Variants in PLXNC1 observed in about 807,000 individuals in gnomAD.
PLXNC1 encodes the protein plexin-C1.
A neutral mutation model predicts 178.2 loss-of-function variants in PLXNC1; 75 were observed. The ratio of observed to expected loss-of-function variants is 0.42; its 90% confidence interval spans 0.35 to 0.51. PLXNC1 has a LOEUF of 0.51. Ranked by LOEUF, PLXNC1 falls within the 20% of genes least tolerant of loss-of-function variation. The pLI, the probability that PLXNC1 is intolerant of heterozygous loss-of-function variation, is 0.02. For synonymous variants in PLXNC1, 790 were observed against 779.9 expected, an observed-to-expected ratio of 1.01 and a Z score of -0.22; for missense variants, 1,503 against 1,984.4, an observed-to-expected ratio of 0.76 and a Z score of 4.61.
intron 1 of PLXNC1, among the ~76,000 whole-genome samples, chr12:94,156,786 C>T (rs950219630): frequency 1.3e-5 from 2 of 148,440 alleles, no homozygotes; most frequent in Non-Finnish European, 3.0e-5. Flanking sequence ...TAGCTTATTG[C>T]GGCCTCAAAC....
At chr12:94,284,601 T>C (rs1466330953) in intron 23 of PLXNC1, among the ~76,000 whole-genome samples, 6 of 151,964 alleles carry the variant, frequency 3.9e-5, no homozygotes, top group Non-Finnish European at 7.4e-5. Flanking sequence ...TCCTACGAGA[T>C]AGGTACTATT....
chr12:94,206,339 T>C (rs886415858), intron 4 of PLXNC1, among the ~76,000 whole-genome samples: 6 of 152,214 alleles, frequency 3.9e-5, no homozygotes, highest in East Asian at 1.9e-4. Flanking sequence ...CAAACTCTAG[T>C]ATTATCTCGA....
At position 94,149,985 on chromosome 12, in the gene PLXNC1, G is replaced by A. The variant is rs1350320295; in HGVS notation, c.1014G>A (p.Ala338=). 4 of 1,595,634 alleles carry A rather than the reference G, an allele frequency of 2.5e-6. No homozygotes were observed. The South Asian group carries it at 4.5e-5, about 18-fold the overall frequency. The change falls in exon 1 of 31, where the codon GCG becomes GCA. Residue 338 remains alanine, a synonymous_variant. Transcript: ENST00000258526. ...TCTTCAGAATGAGTGAGATCCAGGC[G>A]CGCGCCAAGAGGGTCAGCTGGGACT... ...LCLFRMSEIQ[A]RAKRVSWDFK...
chr12:94,152,515 T>G (rs1960997669), intron 1 of PLXNC1, among the ~76,000 whole-genome samples: 1 of 152,248 alleles, frequency 6.6e-6, no homozygotes, highest in Non-Finnish European at 1.5e-5. Flanking sequence ...TGATTGCATT[T>G]GTTCTGCATT....
intron 21 of PLXNC1, 87 bp downstream of exon 21, chr12:94,265,312 G>A (rs945445049): frequency 2.5e-5 from 31 of 1,240,056 alleles, no homozygotes; most frequent in East Asian, 2.3e-4. Flanking sequence ...ACAATGAAAC[G>A]GTATCATCTC....
At chr12:94,191,824 A>G (rs1413636763) in intron 4 of PLXNC1, among the ~76,000 whole-genome samples, 1 of 151,892 alleles carries the variant, frequency 6.6e-6, no homozygotes, top group African/African-American at 2.4e-5. Flanking sequence ...CAATTAGATA[A>G]ACAATGAGCT....
chr12:94,203,996 T>C (rs1163877426), intron 4 of PLXNC1, among the ~76,000 whole-genome samples: 2 of 152,240 alleles, frequency 1.3e-5, no homozygotes, highest in Non-Finnish European at 2.9e-5. Flanking sequence ...TCTCTCTTGC[T>C]CTTCCACCTC....
intron 20 of PLXNC1, among the ~76,000 whole-genome samples, chr12:94,263,200 G>T (rs938828665): frequency 6.7e-6 from 1 of 148,832 alleles, no homozygotes; most frequent in South Asian, 2.3e-4. Flanking sequence ...CTCCCCCACC[G>T]CCTCCCCGCC....
At chr12:94,289,146 A>C (rs1303989771) in intron 23 of PLXNC1, among the ~76,000 whole-genome samples, 1 of 152,208 alleles carries the variant, frequency 6.6e-6, no homozygotes, top group East Asian at 1.9e-4. Context: ...TAAACATGGT[A>C]TCTTATAAAG....
intron 21 of PLXNC1, chr12:94,278,076 G>T (rs1174441286): frequency 4.4e-6 from 2 of 455,794 alleles, no homozygotes; most frequent in Admixed American, 4.7e-5. Context: ...CTCTGTCTCT[G>T]TATGGGCGAG....
intron 2 of PLXNC1, among the ~76,000 whole-genome samples, chr12:94,178,267 C>T (rs1244352837): frequency 1.3e-5 from 2 of 152,154 alleles, no homozygotes; most frequent in Non-Finnish European, 2.9e-5. Context: ...TCTACTCCTG[C>T]TTCCTAGTGC....
chr12:94,268,588 C>CTTTTTTTTTTTTTTTT lies in PLXNC1; in HGVS notation c.3597+3372_3597+3387dup, dbSNP rs61265662. ...TCAGACAGCTGGAAGAGAATAAGAC[C>CTTTTTTTTTTTTTTTT]TTTTTTTTTTTTTTTTTTTTTTTTA... On this transcript the variant is annotated intron_variant, in intron 21 of 30. Coordinates refer to ENST00000258526, the MANE Select transcript of PLXNC1 (RefSeq NM_005761.3). Among the ~76,000 whole-genome samples, 125 of 90,870 alleles carry CTTTTTTTTTTTTTTTT rather than the reference C, an allele frequency of 1.4e-3. 4 individuals are homozygous for CTTTTTTTTTTTTTTTT. Among genetic ancestry groups the CTTTTTTTTTTTTTTTT allele is most frequent in the East Asian group, 3.6e-3 (10 of 2,740 alleles). 59.6% of individuals were successfully genotyped at this position (90,870 alleles called of 152,430 possible). A position where few individuals can be genotyped will look rare whatever the true frequency, so the allele number is the denominator to read the frequency against.
chr12:94,170,778 G>T (rs1159482593), intron 2 of PLXNC1, among the ~76,000 whole-genome samples: 1 of 152,148 alleles, frequency 6.6e-6, no homozygotes, highest in African/African-American at 2.4e-5. Flanking sequence ...ATATGGGAGG[G>T]AGTTTGTTTG....
intron 23 of PLXNC1, among the ~76,000 whole-genome samples, chr12:94,291,316 C>T (rs540417541): frequency 6.6e-6 from 1 of 152,308 alleles, no homozygotes; most frequent in African/African-American, 2.4e-5. Context: ...GCTCACTGCA[C>T]CCTTGACCTC....
intron 7 of PLXNC1, 74 bp from the exon 8 acceptor site, chr12:94,226,531 A>G: frequency 1.0e-6 from 1 of 1,003,664 alleles, no homozygotes; most frequent in Non-Finnish European, 1.6e-6. Context: ...TGCATGCCAC[A>G]TCACAGAGGG....
chr12:94,230,068 G>A (rs192252054), intron 9 of PLXNC1, among the ~76,000 whole-genome samples: 3 of 152,232 alleles, frequency 2.0e-5, no homozygotes, highest in African/African-American at 7.2e-5. Flanking sequence ...TCCCCAGGTT[G>A]CCCTTTCACA....
At chr12:94,242,379 G>T (rs1964416003) in intron 11 of PLXNC1, among the ~76,000 whole-genome samples, 1 of 144,418 alleles carries the variant, frequency 6.9e-6, no homozygotes, top group African/African-American at 2.6e-5. Context: ...CGCAATCTTG[G>T]CTCACTGCAA....
intron 15 of PLXNC1, among the ~76,000 whole-genome samples, chr12:94,253,196 C>G (rs1964744373): frequency 9.6e-6 from 1 of 104,202 alleles, no homozygotes; most frequent in African/African-American, 3.6e-5. Context: ...GGCCACAGAA[C>G]AAGACTCCGT....
chr12:94,253,128 T>G (rs1437316276), intron 15 of PLXNC1, among the ~76,000 whole-genome samples: 1 of 143,006 alleles, frequency 7.0e-6, no homozygotes, highest in East Asian at 2.2e-4. Context: ...GGAAAATCAT[T>G]TGAACCCGGG....
Sources: allele counts gnomAD v4.1 joint callset (sites outside exome capture counted in the v4.1 genomes callset), GRCh38; gene constraint gnomAD v4.1.1; transcripts MANE v1.5; gene names NCBI Gene and HGNC (gene_info 2026-07-23, HGNC 2026-07-21).